CDH12: variants seen among roughly 807,000 people sequenced by gnomAD.
CDH12 encodes the protein cadherin-12.
Under a neutral mutation model 74.1 loss-of-function variants are expected in CDH12, and 41 were observed. The observed-to-expected ratio is 0.55, with a 90% CI of 0.43 to 0.72. The LOEUF (loss-of-function observed/expected upper bound fraction) is 0.72, where lower values mean the gene tolerates loss of function less well. Among genes scored for constraint, CDH12 ranks in the 30% least tolerant of loss-of-function variants. The pLI, the probability that CDH12 is intolerant of heterozygous loss-of-function variation, is 0.00. For missense variants in CDH12, 945 were observed against 977.2 expected (o/e 0.97, Z 0.44); for synonymous variants, 399 against 355.0 (o/e 1.12, Z -1.39).
intron 1 of CDH12, among the ~76,000 whole-genome samples, chr5:22,824,838 G>C (rs963761522): frequency 6.6e-6 from 1 of 151,616 alleles, no homozygotes; most frequent in Non-Finnish European, 1.5e-5. Context: ...ATGTTTACAA[G>C]ATGCATATCC....
At chr5:22,764,298 T>G (rs1347875233) in intron 1 of CDH12, among the ~76,000 whole-genome samples, 2 of 151,944 alleles carry the variant, frequency 1.3e-5, no homozygotes, top group African/African-American at 4.8e-5. Context: ...ATTTCTCACA[T>G]AAAACCATTC....
chr5:22,311,301 T>C (rs562618712), intron 3 of CDH12, among the ~76,000 whole-genome samples: 15 of 152,338 alleles, frequency 9.8e-5, no homozygotes, highest in South Asian at 6.2e-4. Context: ...GCCATGAATT[T>C]ACATTAAAAT....
chr5:21,821,609 T>TA (rs1748374530), intron 8 of CDH12, among the ~76,000 whole-genome samples: 2 of 151,972 alleles, frequency 1.3e-5, no homozygotes, highest in African/African-American at 4.8e-5. Context: ...AATTCATATT[T>TA]AATAATACAA....
rs141110099 is a variant in CDH12 at position 22,285,460 on chromosome 5, G to A, written c.-332-72817C>T. Among the ~76,000 whole-genome samples the A allele has an allele frequency of 1.2e-3, 184 of 152,112 alleles. 1 individual carries two copies. The highest frequency in any genetic ancestry group is 9.7e-3 in the Admixed American group (148 of 15,278). ...TCTCTGTAAATAATTGATTGATTCA[G>A]CATTTAAAAATGCTATGCTGAGCCT... On this transcript the variant is annotated intron_variant, in intron 3 of 14. Coordinates refer to ENST00000382254, the MANE Select transcript of CDH12 (RefSeq NM_004061.5).
chr5:22,481,891 A>G (rs1002460690), intron 2 of CDH12, among the ~76,000 whole-genome samples: 32 of 152,152 alleles, frequency 2.1e-4, no homozygotes, highest in Non-Finnish European at 1.5e-5. Flanking sequence ...AGAAAAAAAC[A>G]AAACGAGGGG....
At chr5:22,619,450 A>G (rs912315455) in intron 1 of CDH12, among the ~76,000 whole-genome samples, 12 of 152,050 alleles carry the variant, frequency 7.9e-5, no homozygotes, top group African/African-American at 2.9e-4. Context: ...TTTAACTTTT[A>G]TGATATTGTC....
At chr5:22,411,234 A>T (rs577128826) in intron 2 of CDH12, among the ~76,000 whole-genome samples, 1 of 152,136 alleles carries the variant, frequency 6.6e-6, no homozygotes, top group Non-Finnish European at 1.5e-5. Context: ...ATAGTATAAA[A>T]CTGCATATTA....
At chr5:22,466,628 C>A (rs566094919) in intron 2 of CDH12, among the ~76,000 whole-genome samples, 2 of 151,964 alleles carry the variant, frequency 1.3e-5, no homozygotes, top group Admixed American at 6.6e-5. Context: ...GAGGAGGCTG[C>A]GGTTTCCATT....
At chr5:22,836,223 C>CTCTTTTTTTTTT (rs1736814730) in intron 1 of CDH12, among the ~76,000 whole-genome samples, 7 of 65,506 alleles carry the variant, frequency 1.1e-4, no homozygotes, top group East Asian at 4.7e-4. Context: ...CTTTCTTTCT[C>CTCTTTTTTTTTT]TTTTTTTTTT....
chr5:22,080,166 T>TA (rs1466393294), intron 4 of CDH12, among the ~76,000 whole-genome samples: 2 of 133,126 alleles, frequency 1.5e-5, no homozygotes, highest in African/African-American at 3.3e-5. Context: ...AGAACTAAAA[T>TA]CAAATCAATG....
chr5:21,873,720 C>A (rs1751769633), intron 6 of CDH12, among the ~76,000 whole-genome samples: 1 of 152,142 alleles, frequency 6.6e-6, no homozygotes, highest in Admixed American at 6.5e-5. Context: ...TTTGCTGCAC[C>A]TATCAACCTA....
intron 4 of CDH12, among the ~76,000 whole-genome samples, chr5:22,079,832 G>T (rs1742594817): frequency 6.6e-6 from 1 of 151,688 alleles, no homozygotes; most frequent in Admixed American, 6.6e-5. Flanking sequence ...CACAATCTTT[G>T]CCTCTCTAAA....
chr5:22,299,643 C>T lies in CDH12; in HGVS notation c.-332-87000G>A, dbSNP rs951347452. ...GCTTTCTATTGGCTGTGAGAGATTGCCAGGTGTGATTTCCCAGGTCTAAAT... is the reference window on the plus strand; with the variant it reads ...GCTTTCTATTGGCTGTGAGAGATTGTCAGGTGTGATTTCCCAGGTCTAAAT... On this transcript the variant is annotated intron_variant, in intron 3 of 14. Coordinates refer to ENST00000382254, the MANE Select transcript of CDH12 (RefSeq NM_004061.5). Among the ~76,000 whole-genome samples the T allele has an allele frequency of 1.3e-4, 20 of 152,046 alleles. 1 individual carries two copies. Among genetic ancestry groups the T allele is most frequent in the Non-Finnish European group, 2.9e-5 (2 of 67,996 alleles).
chr5:21,889,524 G>A (rs1435848442), intron 6 of CDH12: 1 of 880,388 alleles, frequency 1.1e-6, no homozygotes, highest in Admixed American at 6.2e-5. Flanking sequence ...CCAATCCAAT[G>A]TTCTGAAGCT....
intron 1 of CDH12, among the ~76,000 whole-genome samples, chr5:22,762,076 G>T (rs1746257450): frequency 1.3e-5 from 2 of 151,994 alleles, no homozygotes; most frequent in African/African-American, 4.8e-5. Flanking sequence ...ATTGATTCAG[G>T]TAAAATACCT....
intron 6 of CDH12, among the ~76,000 whole-genome samples, chr5:21,898,052 T>C (rs1376574050): frequency 6.6e-6 from 1 of 151,754 alleles, no homozygotes; most frequent in African/African-American, 2.4e-5. Context: ...TCTTTCTTAA[T>C]GACAGGCATG....
At chr5:22,520,518 A>G (rs542846785) in intron 1 of CDH12, among the ~76,000 whole-genome samples, 2 of 152,194 alleles carry the variant, frequency 1.3e-5, no homozygotes, top group Non-Finnish European at 2.9e-5. Context: ...GGGCATGGAT[A>G]CTTGTATGAA....
chr5:22,063,770 G>C (rs557935626), intron 5 of CDH12, among the ~76,000 whole-genome samples: 3 of 151,836 alleles, frequency 2.0e-5, no homozygotes, highest in Admixed American at 6.6e-5. Context: ...GATTAGATGG[G>C]CTTCATTCAA....
chr5:22,725,368 C>A (rs905212085), intron 1 of CDH12, among the ~76,000 whole-genome samples: 2 of 151,780 alleles, frequency 1.3e-5, no homozygotes, highest in African/African-American at 4.8e-5. Flanking sequence ...GTGCTGAGAA[C>A]CTTGATACTG....
Sources: allele counts gnomAD v4.1 joint callset (sites outside exome capture counted in the v4.1 genomes callset), GRCh38; gene constraint gnomAD v4.1.1; transcripts MANE v1.5; gene names NCBI Gene and HGNC (gene_info 2026-07-23, HGNC 2026-07-21).